The following SUPT3H variants were observed in gnomAD, a reference collection of about 807,000 sequenced individuals.
SUPT3H encodes SPT3 homolog, SAGA and STAGA complex component.
A neutral mutation model predicts 44.3 loss-of-function variants in SUPT3H; 44 were observed. The ratio of observed to expected loss-of-function variants is 0.99; its 90% CI spans 0.78 to 1.28. The LOEUF (loss-of-function observed/expected upper bound fraction) is 1.28, where lower values mean the gene tolerates loss of function less well. SUPT3H is among the 50% of genes most tolerant of loss of function. SUPT3H has a pLI of 0.00. For synonymous variants in SUPT3H, 124 were observed against 125.6 expected (o/e 0.99, Z 0.09); for missense variants, 380 against 387.1 (o/e 0.98, Z 0.15).
At chr6:44,990,476 G>A (rs1780460930) in intron 6 of SUPT3H, among the ~76,000 whole-genome samples, 1 of 151,822 alleles carries the variant, frequency 6.6e-6, no homozygotes, top group African/African-American at 2.4e-5. Flanking sequence ...TGGAGATCAG[G>A]GTGTGATGCC....
intron 6 of SUPT3H, among the ~76,000 whole-genome samples, chr6:44,963,297 A>G (rs1206759395): frequency 6.6e-6 from 1 of 152,168 alleles, no homozygotes. Flanking sequence ...CAGCAGTTCG[A>G]GATCAGCCTG....
At chr6:44,810,722 A>G (rs1766456764) in intron 11 of SUPT3H, among the ~76,000 whole-genome samples, 1 of 152,080 alleles carries the variant, frequency 6.6e-6, no homozygotes, top group Non-Finnish European at 1.5e-5. Flanking sequence ...CCTGGCCAAC[A>G]TGGTGAAACT....
At chr6:45,374,097 G>A (rs1796458079) in intron 1 of SUPT3H, among the ~76,000 whole-genome samples, 1 of 152,168 alleles carries the variant, frequency 6.6e-6, no homozygotes, top group East Asian at 1.9e-4. Context: ...GCGGGATGAG[G>A]ATGGGTACTA....
chr6:45,002,922 A>T (rs1782197668), intron 6 of SUPT3H, among the ~76,000 whole-genome samples: 1 of 152,136 alleles, frequency 6.6e-6, no homozygotes, highest in Admixed American at 6.6e-5. Context: ...CAACTGAAAG[A>T]GAAGGGGAAA....
intron 3 of SUPT3H, among the ~76,000 whole-genome samples, chr6:45,099,415 A>G (rs1798247056): frequency 6.6e-6 from 1 of 152,106 alleles, no homozygotes. Flanking sequence ...ATTTTGGGCC[A>G]AGTTTATAAC....
At chr6:45,133,461 A>C (rs1803794986) in intron 2 of SUPT3H, among the ~76,000 whole-genome samples, 1 of 152,188 alleles carries the variant, frequency 6.6e-6, no homozygotes, top group Admixed American at 6.5e-5. Context: ...CATACCAGAT[A>C]CTTAGTTAAA....
At chr6:45,302,653 G>A (rs1782341245) in intron 2 of SUPT3H, among the ~76,000 whole-genome samples, 1 of 151,314 alleles carries the variant, frequency 6.6e-6, no homozygotes, top group Non-Finnish European at 1.5e-5. Flanking sequence ...AAACATGTGT[G>A]TGCAACTATC....
At chr6:44,984,282 A>C (rs1779482024) in intron 6 of SUPT3H, among the ~76,000 whole-genome samples, 1 of 152,178 alleles carries the variant, frequency 6.6e-6, no homozygotes, top group Non-Finnish European at 1.5e-5. Context: ...AAGGTGATGA[A>C]GCTAACTTGG....
intron 6 of SUPT3H, 66 bp downstream of exon 6, chr6:45,003,587 G>C: frequency 6.5e-7 from 1 of 1,545,280 alleles, no homozygotes; most frequent in Non-Finnish European, 8.8e-7. Flanking sequence ...CATGAGAATA[G>C]GACCAAACAG....
chr6:45,053,738 T>TACAAAAAA (rs1790676563), intron 3 of SUPT3H, among the ~76,000 whole-genome samples: 1 of 27,688 alleles, frequency 3.6e-5, no homozygotes, highest in Non-Finnish European at 7.6e-5. Flanking sequence ...CTACTAAAAA[T>TACAAAAAA]ACAAAAAAAA....
At chr6:45,146,296 G>GAAA (rs1806058737) in intron 2 of SUPT3H, among the ~76,000 whole-genome samples, 2 of 152,102 alleles carry the variant, frequency 1.3e-5, no homozygotes, top group African/African-American at 4.8e-5. Flanking sequence ...AGTGGATAAA[G>GAAA]AAAATATATG....
chr6:45,175,787 A>G (rs2153609308), intron 2 of SUPT3H, among the ~76,000 whole-genome samples: 1 of 152,316 alleles, frequency 6.6e-6, no homozygotes, highest in South Asian at 2.1e-4. Flanking sequence ...GAATTTGGAT[A>G]AATTATACTA....
intron 2 of SUPT3H, among the ~76,000 whole-genome samples, chr6:45,305,649 G>T (rs1782877767): frequency 6.6e-6 from 1 of 152,124 alleles, no homozygotes; most frequent in South Asian, 2.1e-4. Flanking sequence ...GCTATTAGAT[G>T]ATTCAAAACC....
intron 3 of SUPT3H, among the ~76,000 whole-genome samples, chr6:45,063,287 C>T (rs551948888): frequency 1.3e-5 from 2 of 148,570 alleles, no homozygotes; most frequent in South Asian, 4.3e-4. Flanking sequence ...ACAGAAAGGA[C>T]ATCCACACCG....
intron 2 of SUPT3H, among the ~76,000 whole-genome samples, chr6:45,191,018 A>C (rs962906052): frequency 6.6e-6 from 1 of 152,058 alleles, no homozygotes; most frequent in Admixed American, 6.6e-5. Flanking sequence ...GTCTTATAAA[A>C]CTAAACATAT....
intron 2 of SUPT3H, among the ~76,000 whole-genome samples, chr6:45,337,024 C>CA (rs887867908): frequency 6.6e-6 from 1 of 151,650 alleles, no homozygotes. Flanking sequence ...GACATGAACA[C>CA]AAAAAATGCA....
At chr6:44,908,072 A>G (rs143824464) in intron 10 of SUPT3H, among the ~76,000 whole-genome samples, 6 of 152,270 alleles carry the variant, frequency 3.9e-5, no homozygotes, top group African/African-American at 1.4e-4. Flanking sequence ...AAATTTTAAC[A>G]ACTCCCCATG....
intron 3 of SUPT3H, among the ~76,000 whole-genome samples, chr6:45,059,633 G>A (rs1304862847): frequency 1.3e-5 from 2 of 152,084 alleles, no homozygotes; most frequent in Non-Finnish European, 2.9e-5. Context: ...AATAGGGAGA[G>A]AGGAAGTCAA....
At chr6:45,177,588 G>A (rs376649957) in intron 2 of SUPT3H, among the ~76,000 whole-genome samples, 4,486 of 151,856 alleles carry the variant, frequency 0.03, 93 homozygotes, top group Non-Finnish European at 0.047. Context: ...GATACTCCTC[G>A]AGAAGAGCAA....
Sources: allele counts gnomAD v4.1 joint callset (sites outside exome capture counted in the v4.1 genomes callset), GRCh38; gene constraint gnomAD v4.1.1; transcripts MANE v1.5; gene names NCBI Gene and HGNC (gene_info 2026-07-23, HGNC 2026-07-21).